Variants in TRA2A observed in about 807,000 individuals in gnomAD.
TRA2A encodes transformer-2 protein homolog alpha.
Under a neutral mutation model 45.7 loss-of-function variants are expected in TRA2A, and 31 were observed. The observed-to-expected ratio is 0.68, with a 90% CI of 0.51 to 0.92. The LOEUF is 0.92. TRA2A is among the 40% of genes least tolerant of loss of function. TRA2A has a pLI of 0.00. For missense variants in TRA2A, 304 were observed against 367.5 expected, an observed-to-expected ratio of 0.83 and a Z score of 1.41; for synonymous variants, 132 against 126.2, an observed-to-expected ratio of 1.05 and a Z score of -0.31.
chr7:23,513,106 A>C (rs760981365), intron 3 of TRA2A, 24 bp from the exon 4 acceptor site: 51 of 1,538,486 alleles, frequency 3.3e-5, no homozygotes, highest in Non-Finnish European at 4.4e-5. Flanking sequence ...ATATTATTTA[A>C]AACTCCAAAT....
intron 3 of TRA2A, among the ~76,000 whole-genome samples, chr7:23,515,707 G>C (rs1789835614): frequency 6.6e-6 from 1 of 151,362 alleles, no homozygotes; most frequent in Non-Finnish European, 1.5e-5. Context: ...CACCACGCCT[G>C]GCTAATTTTT....
intron 3 of TRA2A, among the ~76,000 whole-genome samples, chr7:23,514,600 CT>C (rs969741400): frequency 3.8e-4 from 57 of 149,672 alleles, no homozygotes; most frequent in Admixed American, 2.8e-3. Flanking sequence ...CATTTTCTTT[CT>C]TTTTTTTTTC....
chr7:23,511,281 G>A (rs756512528), intron 4 of TRA2A, among the ~76,000 whole-genome samples: 1 of 148,778 alleles, frequency 6.7e-6, no homozygotes, highest in African/African-American at 2.5e-5. Context: ...TGAGGCAGGA[G>A]AATGGCATGA....
At chr7:23,507,229 A>G in intron 5 of TRA2A, 191 bp downstream of exon 5, 3 of 544,656 alleles carry the variant, frequency 5.5e-6, no homozygotes, top group South Asian at 2.8e-5. Context: ...GCTCCCGAGC[A>G]GCTGGGATTA....
In TRA2A at chr7:23,505,504, A is replaced by AAT; in HGVS notation, c.*54_*55insAT. 2.0e-6 allele frequency: 1 copy of AAT among 505,982 alleles called. No homozygotes were observed. Among genetic ancestry groups the AAT allele is most frequent in the Non-Finnish European group, 3.6e-6 (1 of 279,038 alleles). 31.3% of individuals were successfully genotyped at this position (505,982 alleles called of 1,614,324 possible). ...AGCTTGGGGAAATCTCAGAATTAAA[A>AAT]AAAAAAAAAAAAAAAAGAGGAAAAA... On this transcript the variant is annotated 3_prime_UTR_variant, in exon 8 of 8. Coordinates refer to ENST00000297071, the MANE Select transcript of TRA2A (RefSeq NM_013293.5).
chr7:23,507,310 CCCTTGCCAGAA>C, intron 5 of TRA2A, 99 bp downstream of exon 5: 1 of 830,000 alleles, frequency 1.2e-6, no homozygotes, highest in Non-Finnish European at 2.0e-6. Context: ...GCCATGTTGC[CCCTTGCCAGAA>C]TCAATTCTAA....
At chr7:23,512,171 C>A (rs1302898884) in intron 4 of TRA2A, among the ~76,000 whole-genome samples, 1 of 152,180 alleles carries the variant, frequency 6.6e-6, no homozygotes, top group Non-Finnish European at 1.5e-5. Context: ...CAATTGTTAA[C>A]ACTGAGAGGC....
chr7:23,531,773 G>A lies in TRA2A; in HGVS notation c.36+16C>T. On this transcript the variant is annotated intron_variant, in intron 1 of 7. Coordinates refer to ENST00000297071, the MANE Select transcript of TRA2A (RefSeq NM_013293.5). ...TTGGGCCGCCGCCTAGACGGCTCCC[G>A]CGGCTTTGTACTCACTCTGCCCTCG... The A allele has an allele frequency of 6.2e-7, 1 of 1,613,066 alleles. No individual in the cohort carries two copies. Among genetic ancestry groups the A allele is most frequent in the Non-Finnish European group, 8.5e-7 (1 of 1,180,000 alleles).
chr7:23,525,151 T>C (rs1790289268), intron 1 of TRA2A, among the ~76,000 whole-genome samples: 1 of 152,234 alleles, frequency 6.6e-6, no homozygotes, highest in Non-Finnish European at 1.5e-5. Context: ...CACTGAACTC[T>C]GCATTAGGAA....
intron 1 of TRA2A, among the ~76,000 whole-genome samples, chr7:23,523,861 T>G (rs1210655405): frequency 6.6e-6 from 1 of 152,220 alleles, no homozygotes; most frequent in Non-Finnish European, 1.5e-5. Flanking sequence ...TTAATCAAAC[T>G]CATAAGAGTA....
At chr7:23,511,295 C>A (rs7779489) in intron 4 of TRA2A, among the ~76,000 whole-genome samples, 42 of 142,416 alleles carry the variant, frequency 2.9e-4, no homozygotes, top group African/African-American at 1.0e-3. Flanking sequence ...GGCATGAACC[C>A]GGGAGGTAGA....
chr7:23,505,673 T>C (rs996902011), intron 7 of TRA2A, 73 bp downstream of exon 7: 14 of 962,052 alleles, frequency 1.5e-5, no homozygotes, highest in Admixed American at 2.4e-5. Flanking sequence ...TTCCACCTTA[T>C]ACTCTAATAT....
chr7:23,525,591 C>T (rs1014545556), intron 1 of TRA2A, among the ~76,000 whole-genome samples: 12 of 152,138 alleles, frequency 7.9e-5, no homozygotes, highest in Admixed American at 7.2e-4. Context: ...CCTGCTTTAA[C>T]AGGTTTTTGT....
At chr7:23,510,747 A>T (rs1311378059) in intron 4 of TRA2A, among the ~76,000 whole-genome samples, 2 of 152,174 alleles carry the variant, frequency 1.3e-5, no homozygotes, top group African/African-American at 4.8e-5. Context: ...GCATTTTGCA[A>T]CTTTTACTTC....
rs972528368 is a variant in TRA2A at position 23,531,934 on chromosome 7, C to T, written c.-110G>A. 7.9e-5 allele frequency: 97 copies of T among 1,232,252 alleles called. No individual in the cohort carries two copies. Among genetic ancestry groups the T allele is most frequent in the Non-Finnish European group, 9.3e-5 (80 of 858,488 alleles). 76.3% of individuals were successfully genotyped at this position (1,232,252 alleles called of 1,614,324 possible). A position where few individuals can be genotyped will look rare whatever the true frequency, so the allele number is the denominator to read the frequency against. ...TGGGGAAGAGGAAAGAGTCGGCAAC[C>T]ACAGCCGCTCCACTCCACTCCCACT... On this transcript the variant is annotated 5_prime_UTR_variant, in exon 1 of 8. Coordinates refer to ENST00000297071, the MANE Select transcript of TRA2A (RefSeq NM_013293.5).
chr7:23,521,896 A>G, intron 1 of TRA2A, 56 bp from the exon 2 acceptor site: 1 of 1,604,758 alleles, frequency 6.2e-7, no homozygotes, highest in East Asian at 2.2e-5. Flanking sequence ...CCTAACACCT[A>G]ACATTTAAAG....
intron 3 of TRA2A, among the ~76,000 whole-genome samples, chr7:23,515,681 G>C (rs1789834106): frequency 6.6e-6 from 1 of 152,038 alleles, no homozygotes; most frequent in Non-Finnish European, 1.5e-5. Context: ...AAGTAGTTGA[G>C]ATTACAGGCG....
At chr7:23,527,786 G>C (rs1042860541) in intron 1 of TRA2A, among the ~76,000 whole-genome samples, 4 of 152,158 alleles carry the variant, frequency 2.6e-5, no homozygotes, top group Non-Finnish European at 1.5e-5. Context: ...TGTAAAATTA[G>C]TTATGCGCTG....
At chr7:23,513,463 C>T (rs556105740) in intron 3 of TRA2A, among the ~76,000 whole-genome samples, 57 of 152,202 alleles carry the variant, frequency 3.7e-4, no homozygotes, top group African/African-American at 1.4e-3. Context: ...ACTAAAAATA[C>T]AAAAATTAGC....
Sources: gnomAD v4.1 joint callset for allele counts (sites outside exome capture counted in the v4.1 genomes callset) on GRCh38, gnomAD v4.1.1 for gene constraint, MANE v1.5 for transcripts, NCBI Gene and HGNC (gene_info 2026-07-23, HGNC 2026-07-21) for gene names.